Variants in RAPGEF5 observed in about 807,000 individuals in gnomAD.
The protein encoded by RAPGEF5 is M-Ras-regulated GEF.
RAPGEF5 carries 65 observed loss-of-function variants against 125.2 expected under a neutral mutation model. The observed-to-expected ratio is 0.52, with a 90% confidence interval of 0.43 to 0.64. The LOEUF is 0.64. Ranked by LOEUF, RAPGEF5 falls within the 30% of genes least tolerant of loss-of-function variation. The pLI, the probability that RAPGEF5 is intolerant of heterozygous loss-of-function variation, is 0.00. For synonymous variants in RAPGEF5, 391 were observed against 385.9 expected (o/e 1.01, Z -0.16); for missense variants, 958 against 1,048.1 (o/e 0.91, Z 1.19).
rs183633901 is a variant in RAPGEF5 at position 22,301,398 on chromosome 7, A to T, written c.680+6941T>A. On this transcript the variant is annotated intron_variant, in intron 5 of 25. Transcript: ENST00000665637. ...TGGGAGGCCAAGGCGGGTGGATCAC[A>T]AGGTCAGGAGATCGAGACCATCCTG... 5.8e-3 allele frequency among the ~76,000 whole-genome samples: 883 copies of T among 152,180 alleles called. 16 individuals are homozygous for T. The highest frequency in any genetic ancestry group is 0.02 in the African/African-American group (846 of 41,506).
chr7:22,154,151 C>T (rs919664449), intron 17 of RAPGEF5, among the ~76,000 whole-genome samples: 1 of 152,004 alleles, frequency 6.6e-6, no homozygotes, highest in African/African-American at 2.4e-5. Flanking sequence ...AGCAATTTCC[C>T]AAGTTAATTT....
chr7:22,273,084 T>A (rs1013653164), intron 6 of RAPGEF5, among the ~76,000 whole-genome samples: 1 of 152,084 alleles, frequency 6.6e-6, no homozygotes, highest in East Asian at 1.9e-4. Context: ...CTCCACCAAA[T>A]AGTTTATTTA....
chr7:22,180,551 G>C (rs553296872), intron 11 of RAPGEF5, among the ~76,000 whole-genome samples: 1 of 152,036 alleles, frequency 6.6e-6, no homozygotes, highest in Non-Finnish European at 1.5e-5. Context: ...TATCGGCTGC[G>C]GACTGTATTT....
intron 7 of RAPGEF5, among the ~76,000 whole-genome samples, chr7:22,264,237 T>C (rs186900227): frequency 1.3e-5 from 2 of 152,322 alleles, no homozygotes; most frequent in African/African-American, 2.4e-5. Flanking sequence ...TATAAACCTA[T>C]TGGATTATAG....
At position 22,183,200 on chromosome 7, in the gene RAPGEF5, G is replaced by C. The variant is rs532199874; in HGVS notation, c.1204+10167C>G. Among the ~76,000 whole-genome samples, 12 of 150,322 alleles carry C rather than the reference G, an allele frequency of 8.0e-5. No individual in the cohort carries two copies. The East Asian group carries it at 2.3e-3, about 29-fold the overall frequency. The stretch of plus-strand genomic sequence containing the variant: ...AGGAGAATCTCTTGAACCCAGGAGG[G>C]GGAGGTTGCAGTGAGTCGAGATGGT... On this transcript the variant is annotated intron_variant, in intron 11 of 25. Transcript: ENST00000665637.
At position 22,119,687 on chromosome 7, in the gene RAPGEF5, C is replaced by G. The variant is rs1782526100; in HGVS notation, c.*2719G>C. ...CCCACTTAGAAGTGCCCCTGCACCA[C>G]CTGGTGCCGAAGGTGCCAGATTACG... On this transcript the variant is annotated 3_prime_UTR_variant, in exon 26 of 26. Transcript: ENST00000665637. The surrounding 1 kb of genome is among the most constrained non-coding windows in gnomAD (Gnocchi z 4.1). 6.6e-6 allele frequency: 1 copy of G among 152,192 alleles called. No homozygotes were observed. The highest frequency in any genetic ancestry group is 1.5e-5 in the Non-Finnish European group (1 of 68,046). The allele number at this position is 152,192 out of a possible 1,614,324, so 9.4% of individuals were successfully genotyped here. A position where few individuals can be genotyped will look rare whatever the true frequency, so the allele number is the denominator to read the frequency against.
At chr7:22,198,046 G>A (rs1785193347) in intron 9 of RAPGEF5, among the ~76,000 whole-genome samples, 1 of 151,846 alleles carries the variant, frequency 6.6e-6, no homozygotes, top group Non-Finnish European at 1.5e-5. Flanking sequence ...CACACCACCA[G>A]GCCCAGCTAA....
intron 7 of RAPGEF5, among the ~76,000 whole-genome samples, chr7:22,235,333 G>A (rs1240156500): frequency 1.3e-5 from 2 of 152,302 alleles, no homozygotes; most frequent in African/African-American, 4.8e-5. Flanking sequence ...CTAGTGAGGT[G>A]AAGTAATCTG....
At chr7:22,196,891 T>C (rs546478738) in intron 9 of RAPGEF5, among the ~76,000 whole-genome samples, 7 of 152,322 alleles carry the variant, frequency 4.6e-5, no homozygotes, top group African/African-American at 1.7e-4. Context: ...ATGAATTATT[T>C]AAGCTTTGGT....
intron 9 of RAPGEF5, among the ~76,000 whole-genome samples, chr7:22,195,123 C>T (rs912127968): frequency 5.3e-5 from 8 of 152,156 alleles, no homozygotes; most frequent in African/African-American, 1.7e-4. Context: ...GCACGTTTCC[C>T]CTACTTACAG....
chr7:22,154,672 C>T lies in RAPGEF5; in HGVS notation c.1637-68G>A, dbSNP rs545097030. 7 of 1,537,446 alleles carry T rather than the reference C, an allele frequency of 4.6e-6. 1 individual carries two copies. In the South Asian group the frequency reaches 7.4e-5, roughly 16 times the overall value. On this transcript the variant is annotated intron_variant, in intron 16 of 25. Coordinates refer to ENST00000665637, the MANE Select transcript of RAPGEF5 (RefSeq NM_012294.5). ...TCACGAGGTATAGACTTTTCCAAAT[C>T]AAGGCACCTTGATCAACTTTTCTAA...
intron 9 of RAPGEF5, among the ~76,000 whole-genome samples, chr7:22,214,349 A>T (rs530223053): frequency 7.2e-4 from 109 of 152,306 alleles, no homozygotes; most frequent in Middle Eastern, 6.8e-3. Context: ...TACAGACAGG[A>T]TCCCTAGGGA....
intron 1 of RAPGEF5, among the ~76,000 whole-genome samples, chr7:22,353,773 T>C (rs1212988335): frequency 6.6e-6 from 1 of 152,204 alleles, no homozygotes; most frequent in East Asian, 1.9e-4. Context: ...CCAGTATGCA[T>C]GCTGAATTCA....
In RAPGEF5 at chr7:22,122,266, T is replaced by G. The variant is rs951424032; in HGVS notation, c.*140A>C. The G allele has an allele frequency of 1.5e-6, 1 of 652,594 alleles. No homozygotes were observed. The highest frequency in any genetic ancestry group is 1.8e-5 in the African/African-American group (1 of 55,282). 40.4% of individuals were successfully genotyped at this position (652,594 alleles called of 1,614,324 possible). A position where few individuals can be genotyped will look rare whatever the true frequency, so the allele number is the denominator to read the frequency against. ...CTGACATCACTTCCTGAACACGCTT[T>G]GGCTGGCTTTCCTGTGAATGTCTTG... On this transcript the variant is annotated 3_prime_UTR_variant, in exon 26 of 26. Transcript: ENST00000665637.
rs1042407838 is a variant in RAPGEF5, at chr7:22,157,010, T to A, written c.1558-122A>T. ...TTTTTTTTAATATGAAATCCACCCATCCAATCTTAGAGAAATAAACTGGGA... is the reference window on the plus strand; with the variant it reads ...TTTTTTTTAATATGAAATCCACCCAACCAATCTTAGAGAAATAAACTGGGA... On this transcript the variant is annotated intron_variant, in intron 15 of 25. Coordinates refer to ENST00000665637, the MANE Select transcript of RAPGEF5 (RefSeq NM_012294.5). 4.0e-5 allele frequency: 58 copies of A among 1,442,654 alleles called. No individual in the cohort carries two copies. In the Admixed American group the frequency reaches 1.1e-3, roughly 28 times the overall value. 89.4% of individuals were successfully genotyped at this position (1,442,654 alleles called of 1,614,324 possible).
intron 1 of RAPGEF5, among the ~76,000 whole-genome samples, chr7:22,320,525 C>T (rs1332505119): frequency 6.6e-6 from 1 of 152,166 alleles, no homozygotes; most frequent in African/African-American, 2.4e-5. Flanking sequence ...GAACTGCCCT[C>T]CCAGCATTTA....
At chr7:22,216,923 A>G (rs140853548) in intron 9 of RAPGEF5, among the ~76,000 whole-genome samples, 7 of 152,372 alleles carry the variant, frequency 4.6e-5, no homozygotes, top group Admixed American at 3.9e-4. Flanking sequence ...AGAAATGCCT[A>G]CTGAGAAAGC....
At chr7:22,312,583 C>T (rs993359148) in intron 3 of RAPGEF5, among the ~76,000 whole-genome samples, 1 of 152,152 alleles carries the variant, frequency 6.6e-6, no homozygotes, top group African/African-American at 2.4e-5. Flanking sequence ...TCCCCCTTCT[C>T]ATTGGGAAGA....
At chr7:22,167,211 T>G in intron 11 of RAPGEF5, 63 bp from the exon 12 acceptor site, 5 of 1,270,394 alleles carry the variant, frequency 3.9e-6, no homozygotes, top group Non-Finnish European at 4.5e-6. Context: ...AGCAGCTGCT[T>G]ATCTGGGCCC....
Sources: allele counts gnomAD v4.1 joint callset (sites outside exome capture counted in the v4.1 genomes callset), GRCh38; gene constraint gnomAD v4.1.1; non-coding constraint Gnocchi (gnomAD v3.1); transcripts MANE v1.5; gene names NCBI Gene and HGNC (gene_info 2026-07-23, HGNC 2026-07-21).